MKLN1: variants seen among roughly 807,000 people sequenced by gnomAD.
The protein encoded by MKLN1 is muskelin.
Under a neutral mutation model 99.0 loss-of-function variants are expected in MKLN1, and 18 were observed. That is an observed-to-expected ratio of 0.18 (90% CI 0.13 to 0.27). MKLN1 has a LOEUF of 0.27. Among genes scored for constraint, MKLN1 ranks in the 10% least tolerant of loss-of-function variants. MKLN1 has a pLI of 1.00. For synonymous variants in MKLN1, 288 were observed against 293.2 expected (o/e 0.98, Z 0.18); for missense variants, 621 against 875.9 (o/e 0.71, Z 3.67).
intron 1 of MKLN1, among the ~76,000 whole-genome samples, chr7:131,344,199 C>A (rs909082798): frequency 6.6e-6 from 1 of 152,036 alleles, no homozygotes; most frequent in African/African-American, 2.4e-5. Context: ...AGTGCCTTTT[C>A]TTTGGGTATT....
chr7:131,415,393 A>G (rs1254315234), intron 8 of MKLN1, among the ~76,000 whole-genome samples: 1 of 152,168 alleles, frequency 6.6e-6, no homozygotes, highest in Admixed American at 6.5e-5. Context: ...GCCAACTCAT[A>G]GTGCTTCGGG....
chr7:131,139,350 C>T (rs1024990217), intron 1 of MKLN1, among the ~76,000 whole-genome samples: 14 of 152,036 alleles, frequency 9.2e-5, no homozygotes, highest in Non-Finnish European at 1.6e-4. Flanking sequence ...CCCGTCCCTC[C>T]CCTCTCATTC....
intron 10 of MKLN1, among the ~76,000 whole-genome samples, chr7:131,441,837 A>G (rs1270553398): frequency 6.6e-6 from 1 of 152,206 alleles, no homozygotes; most frequent in Non-Finnish European, 1.5e-5. Context: ...TGAATCTGTG[A>G]GTTAATAAAA....
intron 10 of MKLN1, 85 bp from the exon 11 acceptor site, chr7:131,443,396 T>C (rs1050022903): frequency 4.1e-5 from 40 of 971,164 alleles, no homozygotes; most frequent in Non-Finnish European, 5.9e-5. Flanking sequence ...TTTTTGAGAA[T>C]GTAAAACTGT....
At chr7:131,386,501 A>T (rs1157000822) in intron 2 of MKLN1, among the ~76,000 whole-genome samples, 1 of 152,180 alleles carries the variant, frequency 6.6e-6, no homozygotes, top group South Asian at 2.1e-4. Flanking sequence ...AGCTTTTCCA[A>T]CATGTGTTCA....
At chr7:131,344,108 A>G (rs778286576) in intron 1 of MKLN1, among the ~76,000 whole-genome samples, 4 of 152,246 alleles carry the variant, frequency 2.6e-5, no homozygotes, top group Non-Finnish European at 4.4e-5. Context: ...CTGTGTATAT[A>G]GAAAAGATTG....
intron 1 of MKLN1, among the ~76,000 whole-genome samples, chr7:131,112,173 A>G (rs1795212117): frequency 6.6e-6 from 1 of 152,246 alleles, no homozygotes; most frequent in Non-Finnish European, 1.5e-5. Flanking sequence ...AATGGCATCG[A>G]TAGCCTGGAT....
chr7:131,369,070 G>A (rs1412811175), intron 1 of MKLN1, among the ~76,000 whole-genome samples: 1 of 151,786 alleles, frequency 6.6e-6, no homozygotes, highest in Non-Finnish European at 1.5e-5. Context: ...AATCATACAT[G>A]CTTCTTTGTA....
intron 1 of MKLN1, among the ~76,000 whole-genome samples, chr7:131,120,863 C>G (rs1285527739): frequency 6.6e-6 from 1 of 152,200 alleles, no homozygotes; most frequent in Non-Finnish European, 1.5e-5. Flanking sequence ...CAAAGTGTTC[C>G]AACCTCTGCC....
At chr7:131,200,669 A>AT (rs1388867954) in intron 2 of MKLN1, among the ~76,000 whole-genome samples, 2 of 152,220 alleles carry the variant, frequency 1.3e-5, no homozygotes, top group Non-Finnish European at 2.9e-5. Flanking sequence ...AAAAGTACAG[A>AT]TTTTCCATGC....
chr7:131,363,207 AT>A (rs1026832705), intron 1 of MKLN1, among the ~76,000 whole-genome samples: 61 of 150,016 alleles, frequency 4.1e-4, no homozygotes, highest in East Asian at 7.8e-4. Flanking sequence ...GCATTTGTGA[AT>A]TTTTTTTTTA....
chr7:131,134,050 G>A (rs1354900504), intron 1 of MKLN1, among the ~76,000 whole-genome samples: 4 of 150,732 alleles, frequency 2.7e-5, no homozygotes, highest in African/African-American at 4.9e-5. Context: ...GTCTGGTCTT[G>A]AACTCCTGAC....
chr7:131,385,306 C>G (rs1165462606), intron 2 of MKLN1, among the ~76,000 whole-genome samples: 1 of 151,994 alleles, frequency 6.6e-6, no homozygotes, highest in African/African-American at 2.4e-5. Flanking sequence ...GAACAGTACC[C>G]CTGTGAACAT....
At chr7:131,141,630 G>A (rs1257986217) in intron 1 of MKLN1, among the ~76,000 whole-genome samples, 5 of 152,196 alleles carry the variant, frequency 3.3e-5, no homozygotes, top group Admixed American at 2.6e-4. Flanking sequence ...CAAAATGTAC[G>A]TATGTTGTGC....
intron 1 of MKLN1, among the ~76,000 whole-genome samples, chr7:131,374,999 A>C (rs1793596239): frequency 6.7e-6 from 1 of 149,834 alleles, no homozygotes; most frequent in Non-Finnish European, 1.5e-5. Context: ...GTTGCTATTC[A>C]CAGACATGAT....
chr7:131,245,823 C>T (rs899131044), intron 3 of MKLN1, among the ~76,000 whole-genome samples: 4 of 152,216 alleles, frequency 2.6e-5, no homozygotes, highest in Non-Finnish European at 5.9e-5. Context: ...TTTCTCAGAA[C>T]GTATCCCTGT....
At chr7:131,290,688 A>G (rs919631098) in intron 3 of MKLN1, among the ~76,000 whole-genome samples, 4 of 152,266 alleles carry the variant, frequency 2.6e-5, no homozygotes, top group African/African-American at 9.6e-5. Flanking sequence ...CCCTTCCACA[A>G]TATCATTTAT....
At chr7:131,114,250 G>A (rs1584768142) in intron 1 of MKLN1, among the ~76,000 whole-genome samples, 1 of 152,252 alleles carries the variant, frequency 6.6e-6, no homozygotes, top group African/African-American at 2.4e-5. Flanking sequence ...ATATCCTGAG[G>A]TCCAAGATAG....
chr7:131,361,637 C>T (rs1350580393), intron 1 of MKLN1, among the ~76,000 whole-genome samples: 3 of 150,286 alleles, frequency 2.0e-5, no homozygotes, highest in African/African-American at 7.3e-5. Flanking sequence ...TCCTTTAACA[C>T]TTAAATCTCT....
Sources: gnomAD v4.1 joint callset for allele counts (sites outside exome capture counted in the v4.1 genomes callset) on GRCh38, gnomAD v4.1.1 for gene constraint, MANE v1.5 for transcripts, NCBI Gene and HGNC (gene_info 2026-07-23, HGNC 2026-07-21) for gene names.